The following MAP2K1 variants were observed in gnomAD, a reference collection of about 807,000 sequenced individuals.
MAP2K1 encodes dual specificity mitogen-activated protein kinase kinase 1.
Under a neutral mutation model 46.3 loss-of-function variants are expected in MAP2K1, and 16 were observed. The ratio of observed to expected loss-of-function variants is 0.35; its 90% CI spans 0.23 to 0.52. MAP2K1 has a LOEUF of 0.52. Ranked by LOEUF, MAP2K1 falls within the 20% of genes least tolerant of loss-of-function variation. The pLI is 0.94. For missense variants in MAP2K1, 263 were observed against 497.1 expected (o/e 0.53, Z 4.48); for synonymous variants, 183 against 185.6 (o/e 0.99, Z 0.11).
chr15:66,458,099 T>G (rs1040531525), intron 5 of MAP2K1, among the ~76,000 whole-genome samples: 7 of 152,166 alleles, frequency 4.6e-5, no homozygotes, highest in African/African-American at 1.7e-4. Context: ...CTGAAAAGAA[T>G]TAGCTGCCAA....
chr15:66,398,781 CT>C (rs56256115), intron 1 of MAP2K1, among the ~76,000 whole-genome samples: 98,994 of 142,608 alleles, frequency 0.69, 34,567 homozygotes, highest in East Asian at 0.82. Context: ...TTTTTTTTTT[CT>C]TTTTTTTTTT....
chr15:66,479,164 T>C (rs1892855822), intron 5 of MAP2K1, among the ~76,000 whole-genome samples: 1 of 152,054 alleles, frequency 6.6e-6, no homozygotes, highest in African/African-American at 2.4e-5. Flanking sequence ...TGGTGTGATC[T>C]TGGCTCACTG....
intron 7 of MAP2K1, among the ~76,000 whole-genome samples, chr15:66,486,901 T>C (rs1893053415): frequency 6.6e-6 from 1 of 152,218 alleles, no homozygotes; most frequent in Non-Finnish European, 1.5e-5. Flanking sequence ...AGTTATTTAG[T>C]TGCTATCTCA....
chr15:66,460,715 G>A (rs1254763723), intron 5 of MAP2K1, among the ~76,000 whole-genome samples: 1 of 152,158 alleles, frequency 6.6e-6, no homozygotes, highest in Non-Finnish European at 1.5e-5. Flanking sequence ...AAGGTGAGCT[G>A]GAGAGGGGAG....
At chr15:66,413,239 ACTGAACC>A (rs1322282898) in intron 1 of MAP2K1, among the ~76,000 whole-genome samples, 1 of 152,100 alleles carries the variant, frequency 6.6e-6, no homozygotes, top group Non-Finnish European at 1.5e-5. Context: ...GCTGCTCTTT[ACTGAACC>A]CTAAATATCC....
intron 5 of MAP2K1, among the ~76,000 whole-genome samples, chr15:66,448,213 A>G (rs1223637721): frequency 6.6e-6 from 1 of 151,670 alleles, no homozygotes; most frequent in Non-Finnish European, 1.5e-5. Flanking sequence ...GGAAACCACC[A>G]ATCTACCTTC....
At chr15:66,434,142 T>C (rs892661165) in intron 1 of MAP2K1, among the ~76,000 whole-genome samples, 6 of 152,170 alleles carry the variant, frequency 3.9e-5, no homozygotes, top group African/African-American at 1.2e-4. Context: ...GTGATTTTTT[T>C]CCCCTATGAA....
intron 5 of MAP2K1, among the ~76,000 whole-genome samples, chr15:66,459,616 T>TGA (rs553119113): frequency 2.6e-3 from 127 of 48,114 alleles, no homozygotes; most frequent in East Asian, 7.6e-3. Context: ...AGACACCATC[T>TGA]CAAAAAAAAA....
intron 1 of MAP2K1, among the ~76,000 whole-genome samples, chr15:66,415,515 C>A (rs772749919): frequency 6.6e-6 from 1 of 152,212 alleles, no homozygotes; most frequent in Non-Finnish European, 1.5e-5. Flanking sequence ...TCCCTCCCCC[C>A]ATATCCAGAT....
intron 1 of MAP2K1, among the ~76,000 whole-genome samples, chr15:66,418,592 A>G (rs1289908221): frequency 6.6e-6 from 1 of 152,160 alleles, no homozygotes; most frequent in Non-Finnish European, 1.5e-5. Context: ...TTGTCTTTTC[A>G]GTAACAGCCA....
intron 5 of MAP2K1, among the ~76,000 whole-genome samples, chr15:66,468,824 G>A (rs1892535272): frequency 6.6e-6 from 1 of 151,386 alleles, no homozygotes; most frequent in Non-Finnish European, 1.5e-5. Flanking sequence ...CCAACTACTT[G>A]GGAGGCTTAG....
intron 1 of MAP2K1, among the ~76,000 whole-genome samples, chr15:66,410,801 T>C (rs184320955): frequency 1.3e-5 from 2 of 152,292 alleles, no homozygotes; most frequent in Admixed American, 6.5e-5. Context: ...AGTGAAACTG[T>C]ACATGAACTA....
chr15:66,424,210 A>G (rs768807444), intron 1 of MAP2K1, among the ~76,000 whole-genome samples: 6 of 150,878 alleles, frequency 4.0e-5, no homozygotes, highest in African/African-American at 7.3e-5. Flanking sequence ...GGCATATGCC[A>G]CCATGCCCAG....
chr15:66,391,655 G>A (rs12903927), intron 1 of MAP2K1, among the ~76,000 whole-genome samples: 8,554 of 152,230 alleles, frequency 0.056, 342 homozygotes, highest in Middle Eastern at 0.11. Flanking sequence ...TGTTTGTTGA[G>A]TCAGTGAGTG....
chr15:66,439,935 C>CAA (rs36081187), intron 3 of MAP2K1, among the ~76,000 whole-genome samples: 147 of 115,766 alleles, frequency 1.3e-3, no homozygotes, highest in Admixed American at 1.6e-3. Flanking sequence ...AACTCCATCT[C>CAA]AAAAAAAAAA....
At chr15:66,435,795 T>C (rs954450919) in intron 2 of MAP2K1, among the ~76,000 whole-genome samples, 1 of 152,210 alleles carries the variant, frequency 6.6e-6, no homozygotes, top group Admixed American at 6.5e-5. Flanking sequence ...TTATTACTTA[T>C]CAAGTGCTGG....
Position 66,458,453 on chromosome 15 carries a change from A to G in MAP2K1, c.568+13746A>G, listed in dbSNP as rs188796111. 1.2e-3 allele frequency among the ~76,000 whole-genome samples: 178 copies of G among 152,330 alleles called. 1 individual carries two copies. The highest frequency in any genetic ancestry group is 4.0e-3 in the African/African-American group (166 of 41,576). On this transcript the variant is annotated intron_variant, in intron 5 of 10. Transcript: ENST00000307102. ...CTTGTTTTTCTTTTCCTTCTATCTA[A>G]TGAAACCATGTGTAACCTAGATTTT...
chr15:66,463,197 C>T (rs920539970), intron 5 of MAP2K1, among the ~76,000 whole-genome samples: 11 of 152,174 alleles, frequency 7.2e-5, no homozygotes, highest in Non-Finnish European at 1.3e-4. Context: ...GGAAGCCCTC[C>T]TTTCTCCCTT....
At chr15:66,487,099 T>C in intron 7 of MAP2K1, 129 bp from the exon 8 acceptor site, 1 of 760,192 alleles carries the variant, frequency 1.3e-6, no homozygotes, top group Admixed American at 2.0e-5. Flanking sequence ...TCAAGCCTTA[T>C]CTGTGGCTGT....
Sources: allele counts gnomAD v4.1 joint callset (sites outside exome capture counted in the v4.1 genomes callset), GRCh38; gene constraint gnomAD v4.1.1; transcripts MANE v1.5; gene names NCBI Gene and HGNC (gene_info 2026-07-23, HGNC 2026-07-21).